The following GULP1 variants were observed in gnomAD, a reference collection of about 807,000 sequenced individuals.
GULP1 encodes PTB domain-containing engulfment adapter protein 1.
Under a neutral mutation model 40.9 loss-of-function variants are expected in GULP1, and 19 were observed. That is an observed-to-expected ratio of 0.46 (90% CI 0.32 to 0.68). The LOEUF is 0.68. Ranked by LOEUF, GULP1 falls within the 30% of genes least tolerant of loss-of-function variation. The pLI, the probability that GULP1 is intolerant of heterozygous loss-of-function variation, is 0.03. For missense variants in GULP1, 312 were observed against 362.2 expected (o/e 0.86, Z 1.12); for synonymous variants, 119 against 117.6 (o/e 1.01, Z -0.08).
At chr2:188,434,662 T>C (rs1489669675) in intron 2 of GULP1, among the ~76,000 whole-genome samples, 1 of 151,764 alleles carries the variant, frequency 6.6e-6, no homozygotes, top group Non-Finnish European at 1.5e-5. Flanking sequence ...TTCTTTCTGG[T>C]TCATTTTTCC....
chr2:188,380,278 G>A (rs1196975101), intron 1 of GULP1, among the ~76,000 whole-genome samples: 1 of 152,076 alleles, frequency 6.6e-6, no homozygotes, highest in Non-Finnish European at 1.5e-5. Flanking sequence ...ATTTGAGAAG[G>A]TGTCTTAAAG....
chr2:188,318,235 A>T (rs1013779701), intron 1 of GULP1, among the ~76,000 whole-genome samples: 2 of 152,082 alleles, frequency 1.3e-5, no homozygotes, highest in African/African-American at 4.8e-5. Flanking sequence ...CTATCGCTAT[A>T]TATGTTATTT....
chr2:188,306,676 TG>T (rs2037153708), intron 1 of GULP1, among the ~76,000 whole-genome samples: 1 of 152,188 alleles, frequency 6.6e-6, no homozygotes, highest in Admixed American at 6.5e-5. Context: ...ATGAAGCCAG[TG>T]AGGCAGGGAG....
At chr2:188,526,604 A>C (rs559638287) in intron 5 of GULP1, among the ~76,000 whole-genome samples, 2 of 152,194 alleles carry the variant, frequency 1.3e-5, no homozygotes, top group East Asian at 3.9e-4. Flanking sequence ...TTAGGAAAAA[A>C]AAGAAAGGCA....
At chr2:188,403,087 T>G (rs1294277092) in intron 2 of GULP1, among the ~76,000 whole-genome samples, 1 of 152,120 alleles carries the variant, frequency 6.6e-6, no homozygotes, top group Non-Finnish European at 1.5e-5. Context: ...AAACACCTAG[T>G]CAGTATTCCC....
chr2:188,325,240 G>A (rs796862788), intron 1 of GULP1, among the ~76,000 whole-genome samples: 12 of 152,148 alleles, frequency 7.9e-5, no homozygotes, highest in African/African-American at 2.6e-4. Flanking sequence ...GACCATCCAA[G>A]CTTGCCAGAA....
chr2:188,323,815 A>G (rs1207105727), intron 1 of GULP1, among the ~76,000 whole-genome samples: 2 of 151,658 alleles, frequency 1.3e-5, no homozygotes, highest in Non-Finnish European at 2.9e-5. Context: ...GTGGTCACTT[A>G]TGAATCCTAA....
chr2:188,354,029 C>G (rs2044896287), intron 1 of GULP1, among the ~76,000 whole-genome samples: 1 of 152,068 alleles, frequency 6.6e-6, no homozygotes, highest in Admixed American at 6.5e-5. Flanking sequence ...TTCCCTGGAG[C>G]TGGACTAGCC....
chr2:188,435,490 G>A (rs1443731845), intron 2 of GULP1, among the ~76,000 whole-genome samples: 1 of 151,996 alleles, frequency 6.6e-6, no homozygotes, highest in East Asian at 1.9e-4. Context: ...GATAGCTTGT[G>A]CATTAATTTC....
chr2:188,434,727 A>G lies in GULP1; in HGVS notation c.-44-42932A>G, dbSNP rs566377723. Among the ~76,000 whole-genome samples the G allele has an allele frequency of 3.8e-3, 580 of 151,132 alleles. 2 individuals carry two copies. The highest frequency in any genetic ancestry group is 6.3e-3 in the Non-Finnish European group (425 of 67,646). The stretch of plus-strand genomic sequence containing the variant: ...TAAATTTCCTGAGTTCTATCACCCA[A>G]TTTCTGAGTTTTTCTAATTTTTATT... On this transcript the variant is annotated intron_variant, in intron 2 of 11. Coordinates refer to ENST00000409830, the MANE Select transcript of GULP1 (RefSeq NM_016315.4).
At chr2:188,404,485 G>A (rs937264118) in intron 2 of GULP1, among the ~76,000 whole-genome samples, 7 of 152,112 alleles carry the variant, frequency 4.6e-5, no homozygotes, top group African/African-American at 1.7e-4. Context: ...TTTTGCCTCG[G>A]ATCTGAACAC....
At position 188,587,970 on chromosome 2, in the gene GULP1, G is replaced by C. The variant is rs191501091; in HGVS notation, c.843+21G>C. ...TGCAGGTGACTATTTTGATAGACTG[G>C]CCCATAAATGATTTATTTCATTTTG... On this transcript the variant is annotated intron_variant, in intron 11 of 11. Transcript: ENST00000409830. 3.1e-3 allele frequency: 3,541 copies of C among 1,136,774 alleles called. 17 individuals are homozygous for C. Among genetic ancestry groups the C allele is most frequent in the Non-Finnish European group, 4.3e-3 (3,176 of 744,096 alleles). 70.4% of individuals were successfully genotyped at this position (1,136,774 alleles called of 1,614,324 possible). A position where few individuals can be genotyped will look rare whatever the true frequency, so the allele number is the denominator to read the frequency against.
chr2:188,528,659 G>A (rs1686792874), intron 5 of GULP1, among the ~76,000 whole-genome samples: 1 of 151,992 alleles, frequency 6.6e-6, no homozygotes, highest in Non-Finnish European at 1.5e-5. Context: ...GATGTGGTTG[G>A]ATAGAATAGT....
intron 1 of GULP1, among the ~76,000 whole-genome samples, chr2:188,342,706 A>G (rs753641912): frequency 4.6e-5 from 7 of 152,196 alleles, no homozygotes; most frequent in Non-Finnish European, 1.0e-4. Context: ...ATGTTATTGT[A>G]TGTACATTAT....
intron 10 of GULP1, among the ~76,000 whole-genome samples, chr2:188,585,859 C>T (rs1259295807): frequency 6.6e-6 from 1 of 152,180 alleles, no homozygotes; most frequent in East Asian, 1.9e-4. Context: ...CTGCAAGAGG[C>T]TTGAATTTCT....
chr2:188,317,035 T>G (rs1209122417), intron 1 of GULP1, among the ~76,000 whole-genome samples: 2 of 152,150 alleles, frequency 1.3e-5, no homozygotes, highest in Non-Finnish European at 2.9e-5. Flanking sequence ...GGGCCACACC[T>G]GCACTTAACC....
intron 1 of GULP1, among the ~76,000 whole-genome samples, chr2:188,345,336 T>A (rs1574581741): frequency 6.6e-6 from 1 of 152,202 alleles, no homozygotes; most frequent in Non-Finnish European, 1.5e-5. Context: ...CTTTACTGAT[T>A]TTCTCAAATC....
At chr2:188,367,288 A>G (rs1267229170) in intron 1 of GULP1, among the ~76,000 whole-genome samples, 1 of 152,188 alleles carries the variant, frequency 6.6e-6, no homozygotes, top group African/African-American at 2.4e-5. Context: ...CACGATGGTT[A>G]GGGGAGCAGG....
intron 4 of GULP1, among the ~76,000 whole-genome samples, chr2:188,488,028 G>T (rs1444374621): frequency 6.6e-6 from 1 of 152,024 alleles, no homozygotes; most frequent in Non-Finnish European, 1.5e-5. Context: ...AATATCAGAT[G>T]TGACAGTAAG....
Sources: allele counts gnomAD v4.1 joint callset (sites outside exome capture counted in the v4.1 genomes callset), GRCh38; gene constraint gnomAD v4.1.1; transcripts MANE v1.5; gene names NCBI Gene and HGNC (gene_info 2026-07-23, HGNC 2026-07-21).